FCHSD2: variants seen among roughly 807,000 people sequenced by gnomAD.
The protein encoded by FCHSD2 is FCH and double SH3 domains 2.
FCHSD2 carries 38 observed loss-of-function variants against 108.1 expected under a neutral mutation model. The observed-to-expected ratio is 0.35, with a 90% CI of 0.27 to 0.46. The LOEUF is 0.46. Ranked by LOEUF, FCHSD2 falls within the 20% of genes least tolerant of loss-of-function variation. FCHSD2 has a pLI of 1.00. For missense variants in FCHSD2, 751 were observed against 897.8 expected, an observed-to-expected ratio of 0.84 and a Z score of 2.09; for synonymous variants, 279 against 314.7, an observed-to-expected ratio of 0.89 and a Z score of 1.20.
At position 72,873,571 on chromosome 11, in the gene FCHSD2, G is replaced by A. The variant is rs72969865; in HGVS notation, c.1147-5545C>T. 8.2e-3 allele frequency among the ~76,000 whole-genome samples: 1,255 copies of A among 152,214 alleles called. 16 individuals carry two copies. Among genetic ancestry groups the A allele is most frequent in the African/African-American group, 0.029 (1,191 of 41,528 alleles). ...TGATAGTGTCATTTGAAACATGAAA[G>A]TTTTAAATTTTGATGATGTCTAATT... On this transcript the variant is annotated intron_variant, in intron 12 of 19. Coordinates refer to ENST00000409418, the MANE Select transcript of FCHSD2 (RefSeq NM_014824.3).
chr11:72,988,327 T>C (rs1857348224), intron 6 of FCHSD2, among the ~76,000 whole-genome samples: 1 of 152,228 alleles, frequency 6.6e-6, no homozygotes. Context: ...CTCTATTATA[T>C]TGCTTGCTTT....
intron 8 of FCHSD2, among the ~76,000 whole-genome samples, chr11:72,935,839 T>A (rs1481694145): frequency 6.6e-6 from 1 of 152,218 alleles, no homozygotes; most frequent in Non-Finnish European, 1.5e-5. Flanking sequence ...TGTCTGTAAA[T>A]TACAAAACCA....
intron 13 of FCHSD2, among the ~76,000 whole-genome samples, chr11:72,857,140 T>A (rs114176709): frequency 6.6e-6 from 1 of 152,332 alleles, no homozygotes; most frequent in African/African-American, 2.4e-5. Flanking sequence ...TGGAAGGCAG[T>A]AAGAAGGCTG....
At chr11:72,990,994 A>G (rs973640307) in intron 5 of FCHSD2, among the ~76,000 whole-genome samples, 1 of 152,200 alleles carries the variant, frequency 6.6e-6, no homozygotes, top group African/African-American at 2.4e-5. Context: ...AAGAGAGAAG[A>G]ATCAAACAGA....
intron 10 of FCHSD2, among the ~76,000 whole-genome samples, chr11:72,892,893 C>A (rs554788262): frequency 9.8e-6 from 1 of 102,178 alleles, no homozygotes; most frequent in African/African-American, 3.9e-5. Flanking sequence ...TGTGAGCCAC[C>A]GTGCGTGGCT....
At chr11:72,927,632 G>A (rs1856101892) in intron 8 of FCHSD2, among the ~76,000 whole-genome samples, 1 of 152,266 alleles carries the variant, frequency 6.6e-6, no homozygotes, top group South Asian at 2.1e-4. Flanking sequence ...CTGAAGATGG[G>A]CCCTAAGAGT....
intron 3 of FCHSD2, among the ~76,000 whole-genome samples, chr11:73,037,439 T>G (rs557591358): frequency 1.3e-5 from 2 of 152,346 alleles, no homozygotes; most frequent in African/African-American, 2.4e-5. Flanking sequence ...TATTTGTCCC[T>G]TCCCCTTCAT....
chr11:73,032,748 G>A (rs943714887), intron 3 of FCHSD2, among the ~76,000 whole-genome samples: 6 of 152,092 alleles, frequency 3.9e-5, no homozygotes, highest in Non-Finnish European at 7.4e-5. Context: ...AGCCTGTAAC[G>A]AGAGGTGGGG....
intron 3 of FCHSD2, among the ~76,000 whole-genome samples, chr11:73,070,170 T>C (rs527610222): frequency 1.3e-5 from 2 of 152,300 alleles, no homozygotes; most frequent in South Asian, 4.1e-4. Flanking sequence ...CATATAATGG[T>C]CTATTAATGA....
At chr11:72,904,691 C>CT (rs1211159739) in intron 9 of FCHSD2, among the ~76,000 whole-genome samples, 1 of 152,030 alleles carries the variant, frequency 6.6e-6, no homozygotes, top group Non-Finnish European at 1.5e-5. Flanking sequence ...CTGATTGTTT[C>CT]TTTTTTTTAC....
chr11:73,129,872 C>CTTTTT (rs35445043), intron 2 of FCHSD2, among the ~76,000 whole-genome samples: 1 of 124,150 alleles, frequency 8.1e-6, no homozygotes, highest in Non-Finnish European at 1.7e-5. Flanking sequence ...CCTTCATAAT[C>CTTTTT]TTTTTTTTTT....
intron 8 of FCHSD2, among the ~76,000 whole-genome samples, chr11:72,952,336 T>A (rs1339597450): frequency 6.6e-6 from 1 of 152,100 alleles, no homozygotes; most frequent in Non-Finnish European, 1.5e-5. Flanking sequence ...TATCTTTTTT[T>A]TTTTTTGAGA....
intron 8 of FCHSD2, among the ~76,000 whole-genome samples, chr11:72,923,679 C>T (rs1452779005): frequency 2.6e-5 from 4 of 152,082 alleles, no homozygotes; most frequent in East Asian, 1.9e-4. Flanking sequence ...TGGTGGGTCA[C>T]GCCTGTAATC....
intron 5 of FCHSD2, among the ~76,000 whole-genome samples, chr11:72,994,200 C>A (rs1159608375): frequency 6.6e-6 from 1 of 152,146 alleles, no homozygotes; most frequent in Non-Finnish European, 1.5e-5. Context: ...TCCCTACTGG[C>A]AAATTGTGTT....
intron 9 of FCHSD2, among the ~76,000 whole-genome samples, chr11:72,912,335 T>C (rs1855781317): frequency 6.6e-6 from 1 of 152,190 alleles, no homozygotes; most frequent in Admixed American, 6.5e-5. Context: ...CCCAGTTTAT[T>C]GAGGGGTTTT....
At chr11:73,009,319 A>T (rs1857809983) in intron 4 of FCHSD2, among the ~76,000 whole-genome samples, 4 of 152,124 alleles carry the variant, frequency 2.6e-5, no homozygotes, top group Admixed American at 2.6e-4. Context: ...CAACATGGTG[A>T]AACTCCATCT....
intron 3 of FCHSD2, among the ~76,000 whole-genome samples, chr11:73,081,351 T>C (rs1859680604): frequency 6.6e-6 from 1 of 152,008 alleles, no homozygotes; most frequent in Non-Finnish European, 1.5e-5. Context: ...GGAGAATTGC[T>C]TGAACTTGGG....
chr11:72,921,301 A>G (rs576913973), intron 9 of FCHSD2, among the ~76,000 whole-genome samples: 1 of 152,352 alleles, frequency 6.6e-6, no homozygotes, highest in Admixed American at 6.5e-5. Context: ...TTTTCTCTGC[A>G]TACAATGTGA....
intron 8 of FCHSD2, among the ~76,000 whole-genome samples, chr11:72,983,048 A>T (rs1857243667): frequency 6.6e-6 from 1 of 152,058 alleles, no homozygotes; most frequent in Admixed American, 6.6e-5. Context: ...TAATCCCAGC[A>T]CTTTGGGAGG....
Sources: allele counts gnomAD v4.1 joint callset (sites outside exome capture counted in the v4.1 genomes callset), GRCh38; gene constraint gnomAD v4.1.1; transcripts MANE v1.5; gene names NCBI Gene and HGNC (gene_info 2026-07-23, HGNC 2026-07-21).